ETFA: variants seen among roughly 807,000 people sequenced by gnomAD.
The protein encoded by ETFA is electron transfer flavoprotein subunit alpha, also known as electron transfer flavoprotein subunit alpha, mitochondrial.
In ETFA, 22 loss-of-function variants were observed where a neutral mutation model predicts 46.2. The ratio of observed to expected loss-of-function variants is 0.48; its 90% CI spans 0.34 to 0.68. ETFA has a LOEUF of 0.68. Among genes scored for constraint, ETFA ranks in the 30% least tolerant of loss-of-function variants. ETFA has a pLI of 0.01. For missense variants in ETFA, 345 were observed against 401.1 expected (o/e 0.86, Z 1.19); for synonymous variants, 131 against 139.9 (o/e 0.94, Z 0.45).
chr15:76,297,796 G>T (rs1323622119), intron 1 of ETFA, among the ~76,000 whole-genome samples: 1 of 152,058 alleles, frequency 6.6e-6, no homozygotes, highest in Admixed American at 6.6e-5. Flanking sequence ...ACATCATAAA[G>T]GTACTCTATT....
chr15:76,263,146 C>T (rs959735430), intron 9 of ETFA, among the ~76,000 whole-genome samples: 3 of 152,208 alleles, frequency 2.0e-5, no homozygotes, highest in African/African-American at 4.8e-5. Flanking sequence ...ACATCCTCAC[C>T]ACCTGTTTCT....
intron 9 of ETFA, chr15:76,261,623 A>C (rs1567207360): frequency 2.3e-6 from 1 of 429,374 alleles, no homozygotes; most frequent in Non-Finnish European, 4.2e-6. Context: ...AGCCGCCAGC[A>C]GCAGCCCCAG....
intron 5 of ETFA, 144 bp from the exon 6 acceptor site, chr15:76,286,625 A>T: frequency 1.5e-6 from 1 of 677,150 alleles, no homozygotes; most frequent in Non-Finnish European, 2.7e-6. Context: ...TATAGGAAAA[A>T]ATGAACCATA....
chr15:76,298,877 A>G (rs2039853787), intron 1 of ETFA, among the ~76,000 whole-genome samples: 1 of 152,244 alleles, frequency 6.6e-6, no homozygotes, highest in Admixed American at 6.5e-5. Context: ...TTTTAAGCAG[A>G]AGAGTAGTAC....
intron 8 of ETFA, among the ~76,000 whole-genome samples, chr15:76,274,927 C>T (rs1013014552): frequency 6.6e-5 from 10 of 152,114 alleles, no homozygotes; most frequent in African/African-American, 2.4e-4. Flanking sequence ...TCTCATTCAA[C>T]AGGAGTCAAC....
chr15:76,272,813 C>CATATATATATATATATATATATATAT lies in ETFA; in HGVS notation c.816+1598_816+1599insATATATATATATATATATATATATAT, dbSNP rs71143306. Among the ~76,000 whole-genome samples, 454 of 137,422 alleles carry CATATATATATATATATATATATATAT rather than the reference C, an allele frequency of 3.3e-3. 9 individuals carry two copies. The highest frequency in any genetic ancestry group is 0.011 in the African/African-American group (395 of 34,794). 90.2% of individuals were successfully genotyped at this position (137,422 alleles called of 152,430 possible). On this transcript the variant is annotated intron_variant, in intron 9 of 11. Transcript: ENST00000557943. ...AAGACCCTGTCTCTTAAAATATATA[C>CATATATATATATATATATATATATAT]ATATATATATATATATATGCGCATG...
chr15:76,303,304 T>A (rs1054324817), intron 1 of ETFA, among the ~76,000 whole-genome samples: 1 of 152,022 alleles, frequency 6.6e-6, no homozygotes, highest in Non-Finnish European at 1.5e-5. Context: ...CAAGTCTCCA[T>A]CTCAAAAAAC....
chr15:76,231,324 T>C lies in ETFA; in HGVS notation c.882+9A>G, dbSNP rs373161597. 6.4e-6 allele frequency: 10 copies of C among 1,564,528 alleles called. No homozygotes were observed. The highest frequency in any genetic ancestry group is 1.3e-5 in the African/African-American group (1 of 74,080). On this transcript the variant is annotated intron_variant, in intron 10 of 11. Transcript: ENST00000557943. ...ACGTTTTCTTTTAACATCACTGATG[T>C]ACAATTACCTTGCTGTCTTTCATCC...
rs144907872 is a variant in ETFA at position 76,274,100 on chromosome 15, ATG to A, written c.816+310_816+311del. ...GGCTTTATGGAAATAAATCTTATCA[ATG>A]TGAACTTATAAATCTGAGTTGATAA... is the stretch of plus-strand genomic sequence containing the variant. On this transcript the variant is annotated intron_variant, in intron 9 of 11. Transcript: ENST00000557943. 227 of 339,836 alleles carry A rather than the reference ATG, an allele frequency of 6.7e-4. 1 individual carries two copies. The highest frequency in any genetic ancestry group is 4.2e-3 in the African/African-American group (203 of 47,954). 21.1% of individuals were successfully genotyped at this position (339,836 alleles called of 1,614,324 possible). A position where few individuals can be genotyped will look rare whatever the true frequency, so the allele number is the denominator to read the frequency against.
chr15:76,261,093 A>G (rs368461920), intron 9 of ETFA: 307,695 of 1,472,404 alleles, frequency 0.21, 80 homozygotes, highest in Non-Finnish European at 0.24. Context: ...TAGGCTGTGA[A>G]CTTCACAGGA....
At chr15:76,258,024 TG>T (rs1299779454) in intron 9 of ETFA, among the ~76,000 whole-genome samples, 1 of 24,408 alleles carries the variant, frequency 4.1e-5, no homozygotes, top group Non-Finnish European at 7.4e-5. Context: ...CGTTGTGGGG[TG>T]GGGGGAGGGG....
At chr15:76,232,652 A>C (rs2039080549) in intron 9 of ETFA, among the ~76,000 whole-genome samples, 2 of 152,222 alleles carry the variant, frequency 1.3e-5, no homozygotes, top group South Asian at 4.1e-4. Flanking sequence ...GGATCTGAAA[A>C]TAATGTTATT....
intron 9 of ETFA, chr15:76,260,926 G>T: frequency 6.2e-7 from 1 of 1,611,712 alleles, no homozygotes; most frequent in Non-Finnish European, 8.5e-7. Flanking sequence ...TGTGTCACCT[G>T]AACTGTACAG....
In ETFA at chr15:76,228,112, T is replaced by C. The variant is rs1596189470; in HGVS notation, c.883-2183A>G. The C allele has an allele frequency of 1.6e-5, 6 of 380,362 alleles. No homozygotes were observed. The East Asian group carries it at 4.3e-4, about 27-fold the overall frequency. 23.6% of individuals were successfully genotyped at this position (380,362 alleles called of 1,614,324 possible). ...TTAGTTATTGATGGTAAATTATTCT[T>C]CTAGAGGCCACTTAGTCAGACATCT... On this transcript the variant is annotated intron_variant, in intron 10 of 11. Transcript: ENST00000557943.
At chr15:76,225,219 T>C (rs2038992357) in intron 11 of ETFA, among the ~76,000 whole-genome samples, 1 of 152,168 alleles carries the variant, frequency 6.6e-6, no homozygotes, top group Non-Finnish European at 1.5e-5. Flanking sequence ...AGGTTATAAA[T>C]TACTTGAATC....
chr15:76,225,442 C>G (rs1243095788), intron 11 of ETFA, among the ~76,000 whole-genome samples: 1 of 152,032 alleles, frequency 6.6e-6, no homozygotes, highest in Non-Finnish European at 1.5e-5. Flanking sequence ...GCGCCTGCCA[C>G]CACGCCCAGC....
chr15:76,290,567 G>T (rs1013519596), intron 4 of ETFA, among the ~76,000 whole-genome samples: 4 of 151,630 alleles, frequency 2.6e-5, no homozygotes, highest in Non-Finnish European at 4.4e-5. Flanking sequence ...CCCAGGCTGG[G>T]CTACAACTCC....
At position 76,257,749 on chromosome 15, in the gene ETFA, A is replaced by C. The variant is rs1438696806; in HGVS notation, c.816+16663T>G. Among the ~76,000 whole-genome samples the C allele has an allele frequency of 7.2e-5, 11 of 151,862 alleles. No individual in the cohort carries two copies. The East Asian group carries it at 1.2e-3, about 16-fold the overall frequency. ...TTTATTGCAGCACTATTCACAATAG[A>C]AAAGACTTGGAACCAACCCAAATGT... On this transcript the variant is annotated intron_variant, in intron 9 of 11. Coordinates refer to ENST00000557943, the MANE Select transcript of ETFA (RefSeq NM_000126.4).
chr15:76,220,440 ATTTAAAACTTTAT>A (rs1239927011), intron 11 of ETFA, among the ~76,000 whole-genome samples: 1 of 152,244 alleles, frequency 6.6e-6, no homozygotes, highest in Non-Finnish European at 1.5e-5. Context: ...TTTCATCAAA[ATTTAAAACTTTAT>A]TTTAAAACTT....
Sources: allele counts gnomAD v4.1 joint callset (sites outside exome capture counted in the v4.1 genomes callset), GRCh38; gene constraint gnomAD v4.1.1; transcripts MANE v1.5; gene names NCBI Gene and HGNC (gene_info 2026-07-23, HGNC 2026-07-21).